Variants in MCUB observed in about 807,000 individuals in gnomAD.
MCUB encodes the protein calcium uniporter regulatory subunit MCUb, mitochondrial.
In MCUB, 46 loss-of-function variants were observed where a neutral mutation model predicts 41.4. That is an observed-to-expected ratio of 1.11 (90% confidence interval 0.88 to 1.42). The LOEUF (loss-of-function observed/expected upper bound fraction) is 1.42. MCUB is among the 40% of genes most tolerant of loss of function. MCUB has a pLI of 0.00. For missense variants in MCUB, 403 were observed against 404.9 expected, an observed-to-expected ratio of 1.00 and a Z score of 0.04; for synonymous variants, 148 against 148.2, an observed-to-expected ratio of 1.00 and a Z score of 0.01.
intron 1 of MCUB, among the ~76,000 whole-genome samples, chr4:109,606,694 C>T (rs1159106757): frequency 6.6e-6 from 1 of 152,124 alleles, no homozygotes; most frequent in African/African-American, 2.4e-5. Flanking sequence ...TGCTTTTTAA[C>T]TTATTGTTTC....
At chr4:109,585,011 A>G (rs1001999045) in intron 1 of MCUB, among the ~76,000 whole-genome samples, 8 of 152,058 alleles carry the variant, frequency 5.3e-5, no homozygotes, top group African/African-American at 7.2e-5. Context: ...ATCCTTGTTA[A>G]TATTCTGGCT....
chr4:109,607,020 T>G (rs1024883076), intron 1 of MCUB, among the ~76,000 whole-genome samples: 2 of 152,192 alleles, frequency 1.3e-5, no homozygotes, highest in African/African-American at 4.8e-5. Flanking sequence ...GTGCTAAGAT[T>G]ACAGGCATGA....
chr4:109,653,257 T>C (rs1463815144), intron 1 of MCUB, among the ~76,000 whole-genome samples: 2 of 151,706 alleles, frequency 1.3e-5, no homozygotes, highest in Non-Finnish European at 2.9e-5. Context: ...CATGCACCCG[T>C]AATCCCAGCT....
At chr4:109,648,406 A>C (rs1728884029) in intron 1 of MCUB, 1 of 248,760 alleles carries the variant, frequency 4.0e-6, no homozygotes, top group Non-Finnish European at 8.1e-6. Flanking sequence ...GCTGCTAGCC[A>C]AATATTGTAT....
chr4:109,675,216 A>G (rs534724607), intron 4 of MCUB, among the ~76,000 whole-genome samples: 2 of 152,386 alleles, frequency 1.3e-5, no homozygotes, highest in African/African-American at 2.4e-5. Context: ...TGTGGTGCCC[A>G]TGCTTCTGAA....
chr4:109,667,998 G>GA (rs1729381835), intron 4 of MCUB, among the ~76,000 whole-genome samples: 1 of 151,810 alleles, frequency 6.6e-6, no homozygotes, highest in Admixed American at 6.6e-5. Context: ...ACTGAGATCC[G>GA]AAAGCATACA....
chr4:109,605,778 G>A (rs983505835), intron 1 of MCUB, among the ~76,000 whole-genome samples: 1 of 151,952 alleles, frequency 6.6e-6, no homozygotes, highest in Non-Finnish European at 1.5e-5. Context: ...CCTGTTCTAG[G>A]GTAATGACCT....
intron 1 of MCUB, among the ~76,000 whole-genome samples, chr4:109,572,346 G>C (rs1726933336): frequency 6.6e-6 from 1 of 152,236 alleles, no homozygotes; most frequent in African/African-American, 2.4e-5. Context: ...GCTGAGAAAA[G>C]ATGCTGACGA....
chr4:109,636,727 T>C (rs538536302), intron 1 of MCUB, among the ~76,000 whole-genome samples: 14 of 152,182 alleles, frequency 9.2e-5, no homozygotes, highest in African/African-American at 2.9e-4. Context: ...CCCAGCTACT[T>C]GGGAGGCTGA....
intron 1 of MCUB, among the ~76,000 whole-genome samples, chr4:109,594,365 C>A (rs1397016445): frequency 6.6e-6 from 1 of 152,192 alleles, no homozygotes; most frequent in Non-Finnish European, 1.5e-5. Flanking sequence ...GGCCTGCTAG[C>A]CTCAGATTTC....
At chr4:109,656,501 C>A (rs1486531073) in intron 1 of MCUB, among the ~76,000 whole-genome samples, 1 of 151,474 alleles carries the variant, frequency 6.6e-6, no homozygotes, top group Non-Finnish European at 1.5e-5. Context: ...CTCAGCCTCC[C>A]AAGTAGCCAG....
intron 1 of MCUB, among the ~76,000 whole-genome samples, chr4:109,598,574 A>G (rs2089274): frequency 0.068 from 10,238 of 151,136 alleles, 472 homozygotes; most frequent in Non-Finnish European, 0.1. Flanking sequence ...TGGGCATGAG[A>G]GGGAGACCGT....
At chr4:109,614,588 T>A (rs1326516207) in intron 1 of MCUB, among the ~76,000 whole-genome samples, 4 of 150,434 alleles carry the variant, frequency 2.7e-5, no homozygotes, top group Admixed American at 1.3e-4. Flanking sequence ...CTGTGAGAAA[T>A]AAATTTCTGT....
intron 1 of MCUB, among the ~76,000 whole-genome samples, chr4:109,619,562 C>G (rs1728210673): frequency 6.6e-6 from 1 of 152,104 alleles, no homozygotes; most frequent in Non-Finnish European, 1.5e-5. Flanking sequence ...CAAAATTTAG[C>G]AGGGCATGGT....
intron 7 of MCUB, among the ~76,000 whole-genome samples, chr4:109,686,017 T>C (rs1250248254): frequency 1.3e-5 from 2 of 152,240 alleles, no homozygotes; most frequent in African/African-American, 2.4e-5. Flanking sequence ...CCTCCATTGC[T>C]CAATGCATGC....
chr4:109,687,066 T>G (rs896462475), intron 7 of MCUB, among the ~76,000 whole-genome samples: 2 of 152,090 alleles, frequency 1.3e-5, no homozygotes, highest in East Asian at 3.8e-4. Context: ...ACTCATCTTT[T>G]AAAAAGATCC....
intron 1 of MCUB, among the ~76,000 whole-genome samples, chr4:109,571,522 G>T (rs1045021643): frequency 6.6e-6 from 1 of 152,004 alleles, no homozygotes; most frequent in Admixed American, 6.6e-5. Context: ...CATATTGGTC[G>T]CCCTGGTCTC....
chr4:109,577,694 C>T lies in MCUB; in HGVS notation c.99+17258C>T, dbSNP rs1229962959. 6.3e-5 allele frequency among the ~76,000 whole-genome samples: 2 copies of T among 31,782 alleles called. 1 individual carries two copies. The highest frequency in any genetic ancestry group is 1.4e-4 in the Non-Finnish European group (2 of 14,082). The allele number at this position is 31,782 out of a possible 152,430, so 20.9% of individuals were successfully genotyped here. ...GCGCGATCTCGGCTCACTGCAGGCT[C>T]CGCCCCCCGGGGTTCACGCCATTCT... On this transcript the variant is annotated intron_variant, in intron 1 of 7. Coordinates refer to ENST00000394650, the MANE Select transcript of MCUB (RefSeq NM_017918.5).
At chr4:109,685,230 C>T (rs748621815) in intron 6 of MCUB, 21 bp from the exon 7 acceptor site, 6 of 915,090 alleles carry the variant, frequency 6.6e-6, no homozygotes, top group African/African-American at 2.7e-5. Flanking sequence ...TTGTTTTCTT[C>T]TCTCTCTCTT....
Sources: gnomAD v4.1 joint callset for allele counts (sites outside exome capture counted in the v4.1 genomes callset) on GRCh38, gnomAD v4.1.1 for gene constraint, MANE v1.5 for transcripts, NCBI Gene and HGNC (gene_info 2026-07-23, HGNC 2026-07-21) for gene names.